The following NTRK3 variants were observed in gnomAD, a reference collection of about 807,000 sequenced individuals.
The protein encoded by NTRK3 is NT-3 growth factor receptor.
In NTRK3, 24 loss-of-function variants were observed where a neutral mutation model predicts 91.7. That is an observed-to-expected ratio of 0.26 (90% CI 0.19 to 0.37). The LOEUF is 0.37. Among genes scored for constraint, NTRK3 ranks in the 10% least tolerant of loss-of-function variants. The probability of loss-of-function intolerance (pLI) is 1.00; values close to 1 mark genes in which losing one functional copy is unlikely to be tolerated. For synonymous variants in NTRK3, 483 were observed against 404.0 expected (o/e 1.20, Z -2.34); for missense variants, 880 against 1,068.9 (o/e 0.82, Z 2.46).
intron 17 of NTRK3, among the ~76,000 whole-genome samples, chr15:87,894,192 T>C (rs889401021): frequency 1.3e-5 from 2 of 152,232 alleles, no homozygotes; most frequent in South Asian, 4.1e-4. Context: ...CCAGTGGCCT[T>C]GGCCTGTTCC....
chr15:87,878,436 C>T (rs1596053243), intron 18 of NTRK3, among the ~76,000 whole-genome samples: 1 of 152,104 alleles, frequency 6.6e-6, no homozygotes, highest in Non-Finnish European at 1.5e-5. Context: ...TTACGATGGC[C>T]CCTTGGCTCA....
At chr15:88,210,754 G>A (rs184458606) in intron 3 of NTRK3, among the ~76,000 whole-genome samples, 6 of 152,274 alleles carry the variant, frequency 3.9e-5, no homozygotes, top group Admixed American at 2.0e-4. Context: ...TTTGTAAATG[G>A]ATCATGAAAA....
At chr15:88,062,519 A>G (rs1355133085) in intron 13 of NTRK3, among the ~76,000 whole-genome samples, 2 of 152,158 alleles carry the variant, frequency 1.3e-5, no homozygotes, top group Non-Finnish European at 2.9e-5. Flanking sequence ...CCTCCTGCAC[A>G]TGAAATGCTG....
intron 3 of NTRK3, among the ~76,000 whole-genome samples, chr15:88,196,361 G>A (rs750606143): frequency 2.0e-5 from 3 of 152,074 alleles, no homozygotes; most frequent in East Asian, 1.9e-4. Flanking sequence ...GGATGCGACC[G>A]AGGCACAGTG....
chr15:88,056,392 AT>A (rs1567306082), intron 13 of NTRK3, among the ~76,000 whole-genome samples: 1 of 151,862 alleles, frequency 6.6e-6, no homozygotes, highest in Non-Finnish European at 1.5e-5. Context: ...AAATTTCTCT[AT>A]TTTTTTGTTC....
intron 13 of NTRK3, among the ~76,000 whole-genome samples, chr15:88,076,365 A>G (rs2047545261): frequency 6.6e-6 from 1 of 152,186 alleles, no homozygotes; most frequent in Middle Eastern, 3.4e-3. Context: ...AGGAGCCACA[A>G]TTCAAGATGA....
intron 3 of NTRK3, among the ~76,000 whole-genome samples, chr15:88,211,969 A>G (rs371473278): frequency 6.6e-6 from 1 of 152,264 alleles, no homozygotes; most frequent in East Asian, 1.9e-4. Context: ...CCAATTTTGT[A>G]GAATAAAGCA....
intron 13 of NTRK3, among the ~76,000 whole-genome samples, chr15:88,045,754 T>A (rs2142204401): frequency 6.6e-6 from 1 of 152,346 alleles, no homozygotes; most frequent in East Asian, 1.9e-4. Context: ...TTGTCATTCC[T>A]TGGCATGTTA....
chr15:88,000,702 T>G (rs2076042326), intron 14 of NTRK3, among the ~76,000 whole-genome samples: 1 of 152,250 alleles, frequency 6.6e-6, no homozygotes, highest in Non-Finnish European at 1.5e-5. Context: ...CTATTCCTTT[T>G]TATGGTTCAA....
rs2052259888 is a variant in NTRK3 at position 88,240,651 on chromosome 15, G to A, written c.248+15255C>T. Among the ~76,000 whole-genome samples the A allele has an allele frequency of 6.6e-6, 1 of 152,174 alleles. No individual in the cohort carries two copies. The highest frequency in any genetic ancestry group is 1.5e-5 in the Non-Finnish European group (1 of 68,012). On this transcript the variant is annotated intron_variant, in intron 3 of 18. Coordinates refer to ENST00000394480, the Ensembl canonical transcript of NTRK3. The surrounding 1 kb of genome is among the most constrained non-coding windows in gnomAD (Gnocchi z 4.9). ...GCCACTTCCTAGCAGAACCACCTAG[G>A]GCAAGCTACTTAGCCACCCTGTGCC...
intron 13 of NTRK3, among the ~76,000 whole-genome samples, chr15:88,083,679 C>T (rs1597206248): frequency 6.6e-6 from 1 of 152,212 alleles, no homozygotes; most frequent in Non-Finnish European, 1.5e-5. Context: ...GCCTTCACCC[C>T]GCTGGCTCAA....
At chr15:88,206,515 G>A (rs1597950888) in intron 3 of NTRK3, among the ~76,000 whole-genome samples, 1 of 150,304 alleles carries the variant, frequency 6.7e-6, no homozygotes, top group East Asian at 2.0e-4. Context: ...AAAATTAGCC[G>A]GGCGCGGTGG....
chr15:87,873,664 G>A (rs2064881164), exon 19 of NTRK3: 2 of 231,994 alleles, frequency 8.6e-6, no homozygotes, highest in South Asian at 3.6e-4. Flanking sequence ...TTGGCTAATA[G>A]GATGTCATTT....
At chr15:87,865,052 C>A (rs2064627200) in exon 19 of NTRK3, 1 of 214,040 alleles carries the variant, frequency 4.7e-6, no homozygotes, top group Admixed American at 5.9e-5. Flanking sequence ...ATCAAGATTG[C>A]CTCTGTATGA....
At chr15:88,139,448 C>T (rs974510490) in intron 6 of NTRK3, among the ~76,000 whole-genome samples, 4 of 152,098 alleles carry the variant, frequency 2.6e-5, no homozygotes, top group African/African-American at 9.7e-5. Flanking sequence ...AATAGTTAAG[C>T]ATGCATCAAA....
At chr15:87,892,083 A>AACACACACACAC (rs58946187) in intron 17 of NTRK3, among the ~76,000 whole-genome samples, 1,915 of 141,402 alleles carry the variant, frequency 0.014, 41 homozygotes, top group African/African-American at 0.023. Context: ...CCCCATCCCC[A>AACACACACACAC]ACACACACAC....
intron 14 of NTRK3, among the ~76,000 whole-genome samples, chr15:87,990,095 T>G (rs187431566): frequency 3.9e-5 from 6 of 152,324 alleles, no homozygotes; most frequent in African/African-American, 1.4e-4. Context: ...CTTGGAGTCC[T>G]CCTACAAGGG....
intron 5 of NTRK3, among the ~76,000 whole-genome samples, chr15:88,152,804 C>T (rs906082044): frequency 6.6e-6 from 1 of 152,222 alleles, no homozygotes; most frequent in Non-Finnish European, 1.5e-5. Context: ...AGGGAACCAG[C>T]CTCCCAATCA....
chr15:88,070,996 C>T lies in NTRK3; in HGVS notation c.1397-37951G>A, dbSNP rs116920234. On this transcript the variant is annotated intron_variant, in intron 13 of 18. Transcript: ENST00000394480. ...AATAAATAAAAGATACAGAAAGAGACATCAGCCTGGGCCTGGAATGATTTT... is the reference window on the plus strand; with the variant it reads ...AATAAATAAAAGATACAGAAAGAGATATCAGCCTGGGCCTGGAATGATTTT... Among the ~76,000 whole-genome samples, 1,013 of 152,290 alleles carry T rather than the reference C, an allele frequency of 6.7e-3. 13 individuals are homozygous for T. Among genetic ancestry groups the T allele is most frequent in the Non-Finnish European group, 7.5e-3 (510 of 68,030 alleles).
Sources: gnomAD v4.1 joint callset for allele counts (sites outside exome capture counted in the v4.1 genomes callset) on GRCh38, gnomAD v4.1.1 for gene constraint, Gnocchi (gnomAD v3.1) non-coding constraint, MANE v1.5 for transcripts, NCBI Gene and HGNC (gene_info 2026-07-23, HGNC 2026-07-21) for gene names.